The following CSMD1 variants were observed in gnomAD, a reference collection of about 807,000 sequenced individuals.
CSMD1 encodes CUB and sushi domain-containing protein 1.
CSMD1 carries 213 observed loss-of-function variants against 417.5 expected under a neutral mutation model. That is an observed-to-expected ratio of 0.51 (90% CI 0.46 to 0.57). The LOEUF is 0.57. CSMD1 is among the 20% of genes least tolerant of loss of function. CSMD1 has a pLI of 0.00. For missense variants in CSMD1, 6,923 were observed against 4,529.7 expected (o/e 1.53, Z -15.17); for synonymous variants, 2,862 against 1,736.8 (o/e 1.65, Z -16.11).
chr8:4,454,559 C>A (rs1486334516), intron 2 of CSMD1, among the ~76,000 whole-genome samples: 1 of 152,132 alleles, frequency 6.6e-6, no homozygotes, highest in Non-Finnish European at 1.5e-5. Flanking sequence ...CACCTTTGCA[C>A]AGAGTAGACC....
At chr8:4,917,042 A>G (rs1806110679) in intron 1 of CSMD1, among the ~76,000 whole-genome samples, 1 of 152,192 alleles carries the variant, frequency 6.6e-6, no homozygotes, top group Non-Finnish European at 1.5e-5. Flanking sequence ...TTTTTGAAGA[A>G]GAGAGATTTA....
At chr8:4,343,012 G>A (rs1414673666) in intron 3 of CSMD1, among the ~76,000 whole-genome samples, 3 of 152,102 alleles carry the variant, frequency 2.0e-5, no homozygotes, top group African/African-American at 7.2e-5. Context: ...CAGTGCACCT[G>A]ACTTGTGCCT....
intron 2 of CSMD1, among the ~76,000 whole-genome samples, chr8:4,453,866 C>T (rs147623659): frequency 7.1e-6 from 1 of 140,112 alleles, no homozygotes; most frequent in East Asian, 2.2e-4. Context: ...CTGTCACCCA[C>T]GCTGGAGTGC....
intron 5 of CSMD1, among the ~76,000 whole-genome samples, chr8:3,965,524 A>C (rs1393274922): frequency 6.6e-6 from 1 of 152,258 alleles, no homozygotes; most frequent in African/African-American, 2.4e-5. Flanking sequence ...CGGCTGAAAC[A>C]ATAGAGCCTG....
intron 4 of CSMD1, among the ~76,000 whole-genome samples, chr8:4,002,815 T>G (rs2130374517): frequency 6.6e-6 from 1 of 152,280 alleles, no homozygotes; most frequent in African/African-American, 2.4e-5. Flanking sequence ...ACTTAAAAAT[T>G]CCCTCATACA....
intron 5 of CSMD1, among the ~76,000 whole-genome samples, chr8:3,966,758 C>T (rs979288974): frequency 1.1e-3 from 61 of 53,196 alleles, no homozygotes; most frequent in Non-Finnish European, 1.7e-3. Flanking sequence ...CACACACGCG[C>T]GCGCGCGCAC....
At chr8:4,700,876 T>C (rs572251556) in intron 1 of CSMD1, among the ~76,000 whole-genome samples, 5 of 152,260 alleles carry the variant, frequency 3.3e-5, no homozygotes, top group Admixed American at 1.3e-4. Context: ...AGACCTACAG[T>C]GCTCCTGTTA....
intron 49 of CSMD1, among the ~76,000 whole-genome samples, chr8:3,061,813 G>C (rs549001408): frequency 6.6e-6 from 1 of 151,988 alleles, no homozygotes; most frequent in Non-Finnish European, 1.5e-5. Context: ...ATTTAATCTT[G>C]GTAACACCCT....
At position 4,012,794 on chromosome 8, in the gene CSMD1, C is replaced by T. The variant is rs563827550; in HGVS notation, c.611-14684G>A. Among the ~76,000 whole-genome samples, 51 of 152,292 alleles carry T rather than the reference C, an allele frequency of 3.3e-4. No homozygotes were observed. The Middle Eastern group carries it at 0.017, about 51-fold the overall frequency. ...CAAATCTGCAATCTCACAGTCTTCT[C>T]CATCTCAATAAACGGTAACTCCATT... On this transcript the variant is annotated intron_variant, in intron 4 of 69. Coordinates refer to ENST00000635120, the MANE Select transcript of CSMD1 (RefSeq NM_033225.6).
intron 5 of CSMD1, among the ~76,000 whole-genome samples, chr8:3,761,947 C>T (rs1028814913): frequency 6.6e-6 from 1 of 152,156 alleles, no homozygotes. Context: ...GAGGCACCAT[C>T]ATGCTCCACA....
chr8:3,963,137 G>C (rs1243506655), intron 5 of CSMD1, among the ~76,000 whole-genome samples: 2 of 152,052 alleles, frequency 1.3e-5, no homozygotes, highest in Admixed American at 6.6e-5. Context: ...TTACCATGTT[G>C]GCTAGGCTTG....
chr8:4,212,294 A>C (rs527898856), intron 3 of CSMD1, among the ~76,000 whole-genome samples: 45 of 152,130 alleles, frequency 3.0e-4, no homozygotes, highest in African/African-American at 9.4e-4. Flanking sequence ...AACTTAGTCA[A>C]AACTAGATAC....
chr8:3,331,418 G>A (rs565669438), intron 23 of CSMD1, among the ~76,000 whole-genome samples: 18 of 152,154 alleles, frequency 1.2e-4, no homozygotes, highest in South Asian at 6.2e-4. Context: ...TATCTGATGC[G>A]GTGAAAACAC....
chr8:4,473,830 T>C (rs1800659838), intron 2 of CSMD1, among the ~76,000 whole-genome samples: 1 of 152,146 alleles, frequency 6.6e-6, no homozygotes, highest in Admixed American at 6.5e-5. Context: ...AATTGTCAAA[T>C]AGGAACACGC....
At chr8:3,753,586 C>T (rs1228693431) in intron 6 of CSMD1, among the ~76,000 whole-genome samples, 1 of 152,168 alleles carries the variant, frequency 6.6e-6, no homozygotes, top group Non-Finnish European at 1.5e-5. Flanking sequence ...TATGCTATAG[C>T]ATGCTTAACA....
chr8:4,239,663 A>G (rs1802276656), intron 3 of CSMD1, among the ~76,000 whole-genome samples: 1 of 152,142 alleles, frequency 6.6e-6, no homozygotes, highest in Non-Finnish European at 1.5e-5. Context: ...GTCACAGAGC[A>G]TTGCATTATG....
rs139223645 is a variant in CSMD1 at position 4,502,315 on chromosome 8, C to T, written c.303-82250G>A. On this transcript the variant is annotated intron_variant, in intron 2 of 69. Coordinates refer to ENST00000635120, the MANE Select transcript of CSMD1 (RefSeq NM_033225.6). ...CCGAGGCTCAGTCTTTACAGTAATA[C>T]GAGGACAAATGCATAGATACAATGG... Among the ~76,000 whole-genome samples the T allele has an allele frequency of 3.7e-4, 57 of 152,136 alleles. No individual in the cohort carries two copies. The East Asian group carries it at 9.3e-3, about 25-fold the overall frequency.
chr8:4,967,241 G>C (rs558680366), intron 1 of CSMD1, among the ~76,000 whole-genome samples: 2 of 152,252 alleles, frequency 1.3e-5, no homozygotes, highest in South Asian at 4.1e-4. Flanking sequence ...ATCAAAGTTG[G>C]ATAATACTTA....
intron 39 of CSMD1, among the ~76,000 whole-genome samples, chr8:3,156,046 C>T (rs533628904): frequency 5.9e-5 from 9 of 152,324 alleles, no homozygotes; most frequent in South Asian, 2.1e-4. Context: ...GTAATTACCT[C>T]GCTTTACTTG....
Sources: gnomAD v4.1 joint callset for allele counts (sites outside exome capture counted in the v4.1 genomes callset) on GRCh38, gnomAD v4.1.1 for gene constraint, MANE v1.5 for transcripts, NCBI Gene and HGNC (gene_info 2026-07-23, HGNC 2026-07-21) for gene names.